The following CCSER1 variants were observed in gnomAD, a reference collection of about 807,000 sequenced individuals.
The protein encoded by CCSER1 is coiled-coil serine rich protein 1.
CCSER1 carries 41 observed loss-of-function variants against 82.0 expected under a neutral mutation model. That is an observed-to-expected ratio of 0.50 (90% CI 0.39 to 0.65). The LOEUF is 0.65. Ranked by LOEUF, CCSER1 falls within the 30% of genes least tolerant of loss-of-function variation. The pLI is 0.00. For missense variants in CCSER1, 1,119 were observed against 1,064.2 expected (o/e 1.05, Z -0.72); for synonymous variants, 414 against 383.9 (o/e 1.08, Z -0.92).
At chr4:90,185,638 A>G (rs1342803089) in intron 1 of CCSER1, among the ~76,000 whole-genome samples, 2 of 152,022 alleles carry the variant, frequency 1.3e-5, no homozygotes, top group Non-Finnish European at 2.9e-5. Context: ...CTGAAAGACA[A>G]GAGGGATGGA....
intron 1 of CCSER1, among the ~76,000 whole-genome samples, chr4:90,223,078 C>G (rs1322405463): frequency 6.6e-6 from 1 of 152,160 alleles, no homozygotes. Flanking sequence ...AGGGTTCCTC[C>G]TATTCCCTTT....
intron 3 of CCSER1, among the ~76,000 whole-genome samples, chr4:90,382,468 A>G (rs915033006): frequency 6.6e-6 from 1 of 152,060 alleles, no homozygotes; most frequent in African/African-American, 2.4e-5. Context: ...AATACTTCCA[A>G]ACTACTCATG....
intron 5 of CCSER1, among the ~76,000 whole-genome samples, chr4:90,575,424 C>T (rs983719525): frequency 2.6e-5 from 4 of 152,270 alleles, no homozygotes; most frequent in African/African-American, 9.6e-5. Flanking sequence ...GTCCCTTCCT[C>T]AAAATGGGGA....
At chr4:90,990,696 A>G (rs529525909) in intron 9 of CCSER1, among the ~76,000 whole-genome samples, 4 of 151,938 alleles carry the variant, frequency 2.6e-5, no homozygotes, top group Non-Finnish European at 5.9e-5. Flanking sequence ...CTGTAAGTAC[A>G]ATACATTCCC....
At chr4:91,537,430 T>C (rs148947462) in intron 10 of CCSER1, among the ~76,000 whole-genome samples, 32 of 152,114 alleles carry the variant, frequency 2.1e-4, no homozygotes, top group Admixed American at 2.1e-3. Context: ...AAAATTTTCA[T>C]GTGAATTGAA....
At chr4:91,351,530 AC>A (rs1345973514) in intron 10 of CCSER1, among the ~76,000 whole-genome samples, 3 of 152,100 alleles carry the variant, frequency 2.0e-5, no homozygotes, top group Non-Finnish European at 2.9e-5. Context: ...ATACAAAAAT[AC>A]TTACTTATAA....
intron 1 of CCSER1, among the ~76,000 whole-genome samples, chr4:90,151,413 A>G (rs1726818019): frequency 6.6e-6 from 1 of 152,088 alleles, no homozygotes; most frequent in Admixed American, 6.6e-5. Context: ...TTTAGCTTTA[A>G]GATGATTTCT....
intron 10 of CCSER1, among the ~76,000 whole-genome samples, chr4:91,523,146 GT>G (rs201263515): frequency 0.035 from 5,346 of 152,048 alleles, 192 homozygotes; most frequent in South Asian, 0.16. Context: ...TGGTTTTGTC[GT>G]TTAGTTCTGT....
chr4:90,157,228 T>A (rs1480831426), intron 1 of CCSER1, among the ~76,000 whole-genome samples: 12 of 152,240 alleles, frequency 7.9e-5, no homozygotes, highest in Non-Finnish European at 1.8e-4. Context: ...TTGTAGAGTT[T>A]CTGCTGAGAG....
intron 9 of CCSER1, among the ~76,000 whole-genome samples, chr4:91,019,728 G>A (rs537811791): frequency 3.3e-5 from 5 of 152,230 alleles, no homozygotes; most frequent in East Asian, 1.9e-4. Context: ...CTTTAGAAGC[G>A]AATTACATGA....
chr4:90,750,499 G>A (rs17244178), intron 7 of CCSER1, among the ~76,000 whole-genome samples: 23,587 of 152,036 alleles, frequency 0.16, 2,316 homozygotes, highest in Middle Eastern at 0.24. Flanking sequence ...TACACTGCTG[G>A]CTCAGGTTTC....
At chr4:91,182,907 T>C (rs1462815818) in intron 10 of CCSER1, among the ~76,000 whole-genome samples, 1 of 152,250 alleles carries the variant, frequency 6.6e-6, no homozygotes, top group Non-Finnish European at 1.5e-5. Flanking sequence ...ATTTGGTAAG[T>C]TGGGCATCCC....
chr4:90,874,823 G>A (rs1490916399), intron 8 of CCSER1, among the ~76,000 whole-genome samples: 6 of 151,968 alleles, frequency 3.9e-5, no homozygotes, highest in South Asian at 2.1e-4. Context: ...TAAGGCAGGC[G>A]GATCACAAGG....
At chr4:90,306,809 C>T (rs1182847731) in intron 1 of CCSER1, among the ~76,000 whole-genome samples, 2 of 152,062 alleles carry the variant, frequency 1.3e-5, no homozygotes, top group South Asian at 2.1e-4. Context: ...AGGGAGAGAT[C>T]GTATTACAGT....
At chr4:91,016,208 C>T (rs1228478794) in intron 9 of CCSER1, among the ~76,000 whole-genome samples, 1 of 151,886 alleles carries the variant, frequency 6.6e-6, no homozygotes, top group Non-Finnish European at 1.5e-5. Context: ...TATAAACGTA[C>T]TTTTTATCTT....
At chr4:90,200,452 T>A (rs114572170) in intron 1 of CCSER1, among the ~76,000 whole-genome samples, 1,734 of 151,130 alleles carry the variant, frequency 0.011, 19 homozygotes, top group South Asian at 0.033. Context: ...TTTTTTCAGC[T>A]AAAAAAAAAT....
At chr4:91,020,497 C>T (rs1281868195) in intron 9 of CCSER1, among the ~76,000 whole-genome samples, 1 of 152,038 alleles carries the variant, frequency 6.6e-6, no homozygotes, top group Non-Finnish European at 1.5e-5. Context: ...CCCGTCTCTA[C>T]TAAAAATACA....
intron 10 of CCSER1, among the ~76,000 whole-genome samples, chr4:91,443,413 C>G (rs560254577): frequency 2.0e-5 from 3 of 149,068 alleles, no homozygotes; most frequent in Non-Finnish European, 4.4e-5. Context: ...GGACAAAAAA[C>G]CAAACACTGC....
At chr4:91,366,254 C>T (rs1035665326) in intron 10 of CCSER1, among the ~76,000 whole-genome samples, 1 of 152,198 alleles carries the variant, frequency 6.6e-6, no homozygotes, top group African/African-American at 2.4e-5. Context: ...CTCCTGACTT[C>T]AGGTGGTCCA....
Sources: allele counts gnomAD v4.1 joint callset (sites outside exome capture counted in the v4.1 genomes callset), GRCh38; gene constraint gnomAD v4.1.1; transcripts MANE v1.5; gene names NCBI Gene and HGNC (gene_info 2026-07-23, HGNC 2026-07-21).